The following TBC1D5 variants were observed in gnomAD, a reference collection of about 807,000 sequenced individuals.
TBC1D5 encodes TBC1 domain family, member 5.
Under a neutral mutation model 100.3 loss-of-function variants are expected in TBC1D5, and 75 were observed. That is an observed-to-expected ratio of 0.75 (90% confidence interval 0.62 to 0.91). The LOEUF is 0.91. Ranked by LOEUF, TBC1D5 falls within the 40% of genes least tolerant of loss-of-function variation. TBC1D5 has a pLI of 0.00. For missense variants in TBC1D5, 910 were observed against 942.4 expected (o/e 0.97, Z 0.45); for synonymous variants, 323 against 325.6 (o/e 0.99, Z 0.09).
intron 19 of TBC1D5, among the ~76,000 whole-genome samples, chr3:17,179,278 AT>A (rs1235598372): frequency 6.6e-6 from 1 of 152,176 alleles, no homozygotes; most frequent in Admixed American, 6.5e-5. Context: ...TGGTGATCAC[AT>A]TTTCTTCCTC....
intron 4 of TBC1D5, among the ~76,000 whole-genome samples, chr3:17,425,109 A>G (rs1478903111): frequency 6.6e-6 from 1 of 152,204 alleles, no homozygotes; most frequent in African/African-American, 2.4e-5. Context: ...CAATACCAAA[A>G]GGTTAGTGAT....
At chr3:17,485,154 G>A (rs553327108) in intron 3 of TBC1D5, among the ~76,000 whole-genome samples, 7 of 152,040 alleles carry the variant, frequency 4.6e-5, no homozygotes, top group Admixed American at 1.3e-4. Context: ...TTCTGGTACC[G>A]AAATAAGGAA....
intron 2 of TBC1D5, among the ~76,000 whole-genome samples, chr3:17,610,902 T>TA (rs1181899428): frequency 1.3e-5 from 2 of 151,862 alleles, no homozygotes; most frequent in Non-Finnish European, 2.9e-5. Context: ...CCCAGCTATT[T>TA]AGGAGGCTGA....
intron 2 of TBC1D5, among the ~76,000 whole-genome samples, chr3:17,577,948 G>GTGAT (rs1407486569): frequency 3.3e-5 from 5 of 151,960 alleles, no homozygotes; most frequent in Admixed American, 3.3e-4. Context: ...GATTAGCAAG[G>GTGAT]TGATTTATGC....
At chr3:17,515,036 AC>A (rs1475227233) in intron 2 of TBC1D5, among the ~76,000 whole-genome samples, 1 of 151,946 alleles carries the variant, frequency 6.6e-6, no homozygotes, top group African/African-American at 2.4e-5. Context: ...GGTTAATACA[AC>A]ATACAATTAG....
intron 18 of TBC1D5, among the ~76,000 whole-genome samples, chr3:17,212,876 A>G (rs964093911): frequency 6.6e-6 from 1 of 152,192 alleles, no homozygotes; most frequent in South Asian, 2.1e-4. Context: ...TTATAAAGTA[A>G]AAGTTATAAT....
intron 2 of TBC1D5, among the ~76,000 whole-genome samples, chr3:17,595,722 A>C (rs1217927846): frequency 2.0e-5 from 3 of 152,204 alleles, no homozygotes; most frequent in Non-Finnish European, 4.4e-5. Flanking sequence ...CTTCCAATTT[A>C]AGGCTCCCTG....
intron 16 of TBC1D5, among the ~76,000 whole-genome samples, chr3:17,238,986 C>T (rs1470564717): frequency 1.3e-5 from 2 of 152,142 alleles, no homozygotes; most frequent in South Asian, 4.1e-4. Flanking sequence ...ATTCTCTACC[C>T]CAGTGCTCCA....
At chr3:17,679,805 T>C (rs10510477) in intron 1 of TBC1D5, among the ~76,000 whole-genome samples, 84,911 of 151,174 alleles carry the variant, frequency 0.56, 25,388 homozygotes, top group East Asian at 0.99. Flanking sequence ...TATCTTTGAA[T>C]AGAGTTTGGT....
intron 13 of TBC1D5, among the ~76,000 whole-genome samples, chr3:17,312,699 CA>C (rs1447588223): frequency 6.6e-6 from 1 of 152,096 alleles, no homozygotes; most frequent in Non-Finnish European, 1.5e-5. Context: ...TTTCTTATTC[CA>C]AAAATAAGTT....
chr3:17,538,565 C>T (rs1452040084), intron 2 of TBC1D5, among the ~76,000 whole-genome samples: 1 of 152,178 alleles, frequency 6.6e-6, no homozygotes, highest in Non-Finnish European at 1.5e-5. Flanking sequence ...ATTCTCACTC[C>T]TGTTCTAAAA....
At chr3:17,361,686 G>C (rs937387266) in intron 13 of TBC1D5, among the ~76,000 whole-genome samples, 6 of 151,852 alleles carry the variant, frequency 4.0e-5, no homozygotes, top group African/African-American at 1.5e-4. Context: ...AAAATATCTT[G>C]AGCTGAAGAA....
At chr3:17,452,379 T>C (rs984377762) in intron 3 of TBC1D5, among the ~76,000 whole-genome samples, 1 of 152,064 alleles carries the variant, frequency 6.6e-6, no homozygotes, top group Non-Finnish European at 1.5e-5. Flanking sequence ...TCTGAATGGA[T>C]GAAAAACCAA....
chr3:17,379,959 C>T (rs1165822212), intron 9 of TBC1D5, among the ~76,000 whole-genome samples: 2 of 151,634 alleles, frequency 1.3e-5, no homozygotes, highest in East Asian at 1.9e-4. Context: ...ACTGAAACCA[C>T]AGAAAGTGAA....
intron 3 of TBC1D5, among the ~76,000 whole-genome samples, chr3:17,461,807 T>G (rs1418137255): frequency 2.0e-5 from 3 of 152,210 alleles, no homozygotes; most frequent in African/African-American, 7.2e-5. Context: ...TGGCTCTCAC[T>G]GCACCCACCA....
intron 13 of TBC1D5, among the ~76,000 whole-genome samples, chr3:17,353,680 A>G (rs2090895631): frequency 6.6e-6 from 1 of 152,068 alleles, no homozygotes; most frequent in South Asian, 2.1e-4. Flanking sequence ...AAGAGAAAAA[A>G]CATTTTACAA....
intron 18 of TBC1D5, among the ~76,000 whole-genome samples, chr3:17,191,383 A>C (rs1452237879): frequency 6.6e-6 from 1 of 152,200 alleles, no homozygotes; most frequent in African/African-American, 2.4e-5. Flanking sequence ...AGGACATGGT[A>C]AACACTCAAT....
intron 15 of TBC1D5, among the ~76,000 whole-genome samples, chr3:17,276,003 T>G (rs2079963659): frequency 6.6e-6 from 1 of 152,222 alleles, no homozygotes. Flanking sequence ...TTTTCCTCAT[T>G]GTAAGTGATC....
At chr3:17,503,127 T>C (rs983444113) in intron 3 of TBC1D5, among the ~76,000 whole-genome samples, 1 of 149,890 alleles carries the variant, frequency 6.7e-6, no homozygotes, top group South Asian at 2.1e-4. Context: ...GTTCTTCATA[T>C]AAGGGAGCTT....
Sources: allele counts gnomAD v4.1 joint callset (sites outside exome capture counted in the v4.1 genomes callset), GRCh38; gene constraint gnomAD v4.1.1; transcripts MANE v1.5; gene names NCBI Gene and HGNC (gene_info 2026-07-23, HGNC 2026-07-21).